The following TAB2 variants were observed in gnomAD, a reference collection of about 807,000 sequenced individuals.
The protein encoded by TAB2 is TGF-beta-activated kinase 1 and MAP3K7-binding protein 2.
A neutral mutation model predicts 65.0 loss-of-function variants in TAB2; 3 were observed. That is an observed-to-expected ratio of 0.05 (90% confidence interval 0.02 to 0.12). The LOEUF is 0.12. TAB2 is among the 10% of genes least tolerant of loss of function. TAB2 has a pLI of 1.00. For synonymous variants in TAB2, 298 were observed against 285.1 expected, an observed-to-expected ratio of 1.05 and a Z score of -0.46; for missense variants, 623 against 840.3, an observed-to-expected ratio of 0.74 and a Z score of 3.20.
rs1562456560 is a variant in TAB2, at chr6:149,403,329, T to TATACACACAC, written c.1939+4146_1939+4147insTACACACACA. On this transcript the variant is annotated intron_variant, in intron 6 of 6. Coordinates refer to ENST00000637181, the MANE Select transcript of TAB2 (RefSeq NM_001292034.3). Reference sequence around the variant, plus strand: ...ATATATATATACACACACATATATATACATATATATACACACACACACACA... The same window carrying TATACACACAC: ...ATATATATATACACACACATATATATATACACACACACATATATATACACACACACACACA... 2.0e-4 allele frequency among the ~76,000 whole-genome samples: 11 copies of TATACACACAC among 55,802 alleles called. 1 individual carries two copies. Among genetic ancestry groups the TATACACACAC allele is most frequent in the African/African-American group, 6.4e-4 (10 of 15,676 alleles). The allele number at this position is 55,802 out of a possible 152,430, so 36.6% of individuals were successfully genotyped here. A position where few individuals can be genotyped will look rare whatever the true frequency, so the allele number is the denominator to read the frequency against.
chr6:149,284,241 C>T (rs1778628871), intron 1 of TAB2, among the ~76,000 whole-genome samples: 1 of 152,134 alleles, frequency 6.6e-6, no homozygotes, highest in South Asian at 2.1e-4. Context: ...CCCCCACATA[C>T]CCAGCCTGAG....
At chr6:149,400,416 G>T in intron 6 of TAB2, 1 of 1,614,216 alleles carries the variant, frequency 6.2e-7, no homozygotes, top group South Asian at 1.1e-5. Flanking sequence ...GCCCACAGAA[G>T]AAGTCAAGAC....
At chr6:149,292,651 A>C (rs1233621436) in intron 1 of TAB2, among the ~76,000 whole-genome samples, 1 of 152,250 alleles carries the variant, frequency 6.6e-6, no homozygotes, top group Non-Finnish European at 1.5e-5. Flanking sequence ...AAAATGACAT[A>C]TAGAATGTCA....
At chr6:149,351,270 T>C (rs1241876400) in intron 1 of TAB2, among the ~76,000 whole-genome samples, 1 of 152,176 alleles carries the variant, frequency 6.6e-6, no homozygotes, top group South Asian at 2.1e-4. Flanking sequence ...CCGTATGCAT[T>C]GAAAAAGAAG....
chr6:149,247,069 TG>T (rs2114649154), intron 1 of TAB2: 1 of 152,860 alleles, frequency 6.5e-6, no homozygotes, highest in African/African-American at 2.4e-5. Flanking sequence ...CAACAGCTCC[TG>T]CTCAGGTAAG....
At chr6:149,300,104 T>C (rs891449009) in intron 1 of TAB2, among the ~76,000 whole-genome samples, 9 of 152,188 alleles carry the variant, frequency 5.9e-5, no homozygotes, top group African/African-American at 1.9e-4. Context: ...TTTGTCTCTA[T>C]GTATTAACGA....
chr6:149,367,179 C>T (rs189013712), intron 1 of TAB2, among the ~76,000 whole-genome samples: 32 of 152,058 alleles, frequency 2.1e-4, no homozygotes, highest in Non-Finnish European at 4.4e-4. Flanking sequence ...AAATATATCT[C>T]AGGTATTGAT....
At chr6:149,370,220 A>C in intron 2 of TAB2, 121 bp downstream of exon 2, 1 of 903,128 alleles carries the variant, frequency 1.1e-6, no homozygotes, top group African/African-American at 1.6e-5. Context: ...GAAAAGAGAT[A>C]AGCTTTGGTG....
chr6:149,309,889 T>TGC lies in TAB2; in HGVS notation c.-120-68128_-120-68127insCG, dbSNP rs903434014. On this transcript the variant is annotated intron_variant, in intron 1 of 1. Transcript: ENST00000606202. Reference sequence around the variant, plus strand: ...GTGTGTGTGTGTGGGTGTGGGTGTGTGTGTGTGTGTGTGATTTTTCCTTTC... The same window carrying TGC: ...GTGTGTGTGTGTGGGTGTGGGTGTGTGCGTGTGTGTGTGTGATTTTTCCTTTC... 9.3e-4 allele frequency among the ~76,000 whole-genome samples: 141 copies of TGC among 151,746 alleles called. 2 individuals are homozygous for TGC. Among genetic ancestry groups the TGC allele is most frequent in the Middle Eastern group, 3.4e-3 (1 of 294 alleles).
upstream of TAB2, among the ~76,000 whole-genome samples, chr6:149,312,800 C>A (rs757458856): frequency 8.5e-5 from 13 of 152,204 alleles, no homozygotes; most frequent in Non-Finnish European, 1.9e-4. Context: ...ACAACACAAG[C>A]TTGTGGAATG....
At chr6:149,368,945 A>G (rs1781130723) in intron 1 of TAB2, among the ~76,000 whole-genome samples, 1 of 152,144 alleles carries the variant, frequency 6.6e-6, no homozygotes, top group African/African-American at 2.4e-5. Flanking sequence ...TGCTAGATAT[A>G]CAATAATAAA....
chr6:149,222,051 G>A (rs1777159048), intron 1 of TAB2, among the ~76,000 whole-genome samples: 1 of 152,098 alleles, frequency 6.6e-6, no homozygotes, highest in Non-Finnish European at 1.5e-5. Flanking sequence ...TCTGTAGACG[G>A]CCCGAATGGA....
At chr6:149,334,363 G>A (rs1295353665) in intron 1 of TAB2, among the ~76,000 whole-genome samples, 2 of 152,106 alleles carry the variant, frequency 1.3e-5, no homozygotes, top group East Asian at 3.9e-4. Context: ...TAGGAAGCTA[G>A]CCAAGTTTGT....
At chr6:149,391,551 A>ACAGGGG (rs1159813700) in intron 3 of TAB2, among the ~76,000 whole-genome samples, 1 of 151,862 alleles carries the variant, frequency 6.6e-6, no homozygotes, top group Non-Finnish European at 1.5e-5. Context: ...GGTATCAGGG[A>ACAGGGG]CAGGGGCAGG....
chr6:149,272,445 C>G (rs1778380967), intron 1 of TAB2, among the ~76,000 whole-genome samples: 1 of 152,346 alleles, frequency 6.6e-6, no homozygotes, highest in East Asian at 1.9e-4. Context: ...CACTTCTTGC[C>G]TTTTCCAACT....
chr6:149,403,243 AAAAAATAT>A (rs1487880790), intron 6 of TAB2, among the ~76,000 whole-genome samples: 5 of 48,924 alleles, frequency 1.0e-4, no homozygotes, highest in South Asian at 8.6e-4. Context: ...CTAAAAAAAA[AAAAAATAT>A]ATATATATAT....
exon 1 of TAB2, chr6:149,218,755 A>G (rs1243037550): frequency 2.2e-6 from 1 of 456,210 alleles, no homozygotes; most frequent in Non-Finnish European, 4.4e-6. Flanking sequence ...ATTCCTCCAA[A>G]GCAAACCAAC....
chr6:149,403,303 TATATATATATACACAC>T (rs1562456486), intron 6 of TAB2, among the ~76,000 whole-genome samples: 9 of 68,042 alleles, frequency 1.3e-4, no homozygotes, highest in African/African-American at 1.2e-4. Flanking sequence ...CACATATATA[TATATATATATACACAC>T]ACATATATAT....
intron 1 of TAB2, among the ~76,000 whole-genome samples, chr6:149,275,330 G>T (rs1404421473): frequency 6.7e-6 from 1 of 149,762 alleles, no homozygotes; most frequent in African/African-American, 2.5e-5. Flanking sequence ...AATTATGAGG[G>T]ATGGGGTATT....
Sources: gnomAD v4.1 joint callset for allele counts (sites outside exome capture counted in the v4.1 genomes callset) on GRCh38, gnomAD v4.1.1 for gene constraint, MANE v1.5 for transcripts, NCBI Gene and HGNC (gene_info 2026-07-23, HGNC 2026-07-21) for gene names.